Variants in PDE4D observed in about 807,000 individuals in gnomAD.
The protein encoded by PDE4D is 3',5'-cyclic-AMP phosphodiesterase 4D.
In PDE4D, 24 loss-of-function variants were observed where a neutral mutation model predicts 87.4. The observed-to-expected ratio is 0.27, with a 90% CI of 0.20 to 0.39. PDE4D has a LOEUF of 0.39. Ranked by LOEUF, PDE4D falls within the 10% of genes least tolerant of loss-of-function variation. PDE4D has a pLI of 1.00. For missense variants in PDE4D, 714 were observed against 1,041.0 expected, an observed-to-expected ratio of 0.69 and a Z score of 4.32; for synonymous variants, 384 against 383.2, an observed-to-expected ratio of 1.00 and a Z score of -0.02.
At chr5:60,324,731 G>A (rs1266127893) in intron 1 of PDE4D, among the ~76,000 whole-genome samples, 1 of 152,216 alleles carries the variant, frequency 6.6e-6, no homozygotes, top group Non-Finnish European at 1.5e-5. Context: ...TCACATACAT[G>A]ACCAGGGACA....
At chr5:59,583,334 G>A (rs1187050119) in intron 1 of PDE4D, among the ~76,000 whole-genome samples, 2 of 152,126 alleles carry the variant, frequency 1.3e-5, no homozygotes, top group Non-Finnish European at 2.9e-5. Flanking sequence ...TTCCTAGAAA[G>A]CTGACTTGCA....
At chr5:60,228,804 C>T (rs959318207) in intron 1 of PDE4D, among the ~76,000 whole-genome samples, 7 of 152,016 alleles carry the variant, frequency 4.6e-5, no homozygotes, top group South Asian at 2.1e-4. Flanking sequence ...ATACAGAGAG[C>T]GAGAAGTCAT....
At chr5:59,131,307 C>T (rs556223613) in intron 5 of PDE4D, among the ~76,000 whole-genome samples, 12 of 152,188 alleles carry the variant, frequency 7.9e-5, no homozygotes, top group Admixed American at 5.9e-4. Context: ...TTTTCACTTT[C>T]GTATCCCCAA....
chr5:59,481,472 G>T (rs1244823391), intron 1 of PDE4D, among the ~76,000 whole-genome samples: 5 of 151,980 alleles, frequency 3.3e-5, no homozygotes, highest in Non-Finnish European at 2.9e-5. Context: ...AGACTCACCT[G>T]CTTCATCTCT....
chr5:59,160,461 T>C (rs913522930), intron 5 of PDE4D, among the ~76,000 whole-genome samples: 4 of 150,364 alleles, frequency 2.7e-5, no homozygotes, highest in African/African-American at 7.3e-5. Context: ...AAACCTCGGA[T>C]TTTTTTTTCC....
At chr5:59,468,864 T>C (rs1403752503) in intron 1 of PDE4D, among the ~76,000 whole-genome samples, 2 of 152,228 alleles carry the variant, frequency 1.3e-5, no homozygotes, top group East Asian at 1.9e-4. Context: ...GCTTAGAGCA[T>C]CATGAAGAGT....
intron 1 of PDE4D, among the ~76,000 whole-genome samples, chr5:59,857,189 C>T (rs975367053): frequency 2.0e-5 from 3 of 152,202 alleles, no homozygotes; most frequent in Non-Finnish European, 2.9e-5. Context: ...AGATCTACAT[C>T]TCCCTTATGC....
chr5:59,200,319 A>G (rs111162591), intron 2 of PDE4D, among the ~76,000 whole-genome samples: 1,573 of 119,334 alleles, frequency 0.013, 97 homozygotes, highest in African/African-American at 0.049. Context: ...AGCTACACGT[A>G]TACATACACG....
At chr5:59,631,230 T>C (rs1390158278) in intron 1 of PDE4D, among the ~76,000 whole-genome samples, 1 of 152,144 alleles carries the variant, frequency 6.6e-6, no homozygotes, top group Non-Finnish European at 1.5e-5. Flanking sequence ...CTAGTAGTGC[T>C]TAAATGGTTT....
chr5:60,422,196 T>A (rs1743178528), intron 1 of PDE4D, among the ~76,000 whole-genome samples: 1 of 151,818 alleles, frequency 6.6e-6, no homozygotes, highest in East Asian at 1.9e-4. Flanking sequence ...ACAGAGAACA[T>A]CACAAAGATA....
intron 5 of PDE4D, among the ~76,000 whole-genome samples, chr5:59,176,598 T>G (rs62357973): frequency 6.6e-6 from 1 of 151,818 alleles, no homozygotes; most frequent in African/African-American, 2.4e-5. Flanking sequence ...CTTTAATACA[T>G]GTCAAATGCA....
intron 2 of PDE4D, among the ~76,000 whole-genome samples, chr5:59,998,094 C>T (rs1212528244): frequency 6.6e-6 from 1 of 152,170 alleles, no homozygotes; most frequent in African/African-American, 2.4e-5. Context: ...CTCCCTCTAG[C>T]CACCTCGTCT....
intron 5 of PDE4D, among the ~76,000 whole-genome samples, chr5:59,104,574 C>A (rs142382944): frequency 6.6e-6 from 1 of 152,030 alleles, no homozygotes; most frequent in African/African-American, 2.4e-5. Flanking sequence ...TTCACAACAG[C>A]GGCAAGGAAA....
intron 3 of PDE4D, among the ~76,000 whole-genome samples, chr5:59,954,502 G>A (rs1397876965): frequency 6.6e-6 from 1 of 152,118 alleles, no homozygotes; most frequent in Non-Finnish European, 1.5e-5. Flanking sequence ...TAAAATTGTA[G>A]GGAAAAAAGC....
chr5:59,507,521 C>T (rs1374436282), intron 1 of PDE4D, among the ~76,000 whole-genome samples: 1 of 150,804 alleles, frequency 6.6e-6, no homozygotes, highest in Non-Finnish European at 1.5e-5. Flanking sequence ...TAAAATTAGC[C>T]AGGTGTGGTG....
intron 5 of PDE4D, among the ~76,000 whole-genome samples, chr5:59,102,809 C>T (rs1266456589): frequency 6.6e-6 from 1 of 152,152 alleles, no homozygotes; most frequent in Non-Finnish European, 1.5e-5. Context: ...TTAACAAGGG[C>T]ATGGGTTTGA....
chr5:59,165,160 C>T (rs992911493), intron 5 of PDE4D: 1 of 152,158 alleles, frequency 6.6e-6, no homozygotes, highest in Admixed American at 6.5e-5. Context: ...TCTAAGAGCA[C>T]CCTAATTTCT....
chr5:60,510,418 C>A lies in PDE4D; in HGVS notation n.70+11633G>T, dbSNP rs867084095. On this transcript the variant is annotated intron_variant and non_coding_transcript_variant, in intron 1 of 2. Coordinates refer to the PDE4D transcript ENST00000506510. ...ACGCCCACCTCTTGCTTTTAACACT[C>A]GAATTCATCCTCTACATCTAGGGAG... Among the ~76,000 whole-genome samples, 3 of 152,242 alleles carry A rather than the reference C, an allele frequency of 2.0e-5. No individual in the cohort carries two copies. In the Middle Eastern group the frequency reaches 0.01, roughly 518 times the overall value.
At chr5:59,270,882 T>A (rs1763690516) in intron 1 of PDE4D, among the ~76,000 whole-genome samples, 1 of 152,158 alleles carries the variant, frequency 6.6e-6, no homozygotes, top group Non-Finnish European at 1.5e-5. Context: ...AGTTATTTCA[T>A]CTCACGGAAT....
Sources: allele counts gnomAD v4.1 joint callset (sites outside exome capture counted in the v4.1 genomes callset), GRCh38; gene constraint gnomAD v4.1.1; transcripts MANE v1.5; gene names NCBI Gene and HGNC (gene_info 2026-07-23, HGNC 2026-07-21).